The following ZNF883 variants were observed in gnomAD, a reference collection of about 807,000 sequenced individuals.
ZNF883 encodes zinc finger protein 883.
At chr9:113,002,382 T>G (rs917012942), upstream of ZNF883, among the ~76,000 whole-genome samples, 2 of 149,208 alleles carry the variant, frequency 1.3e-5, no homozygotes, top group African/African-American at 5.0e-5. Flanking sequence ...AAATGTAACA[T>G]GGTATCTTGA....
downstream of ZNF883, among the ~76,000 whole-genome samples, chr9:112,995,569 C>A (rs568230693): frequency 9.9e-5 from 15 of 151,604 alleles, no homozygotes; most frequent in Admixed American, 5.9e-4. Flanking sequence ...TCTCTTCCTT[C>A]TCTCTTTCTT....
At chr9:113,000,009 C>T (rs1294690227), upstream of ZNF883, among the ~76,000 whole-genome samples, 1 of 152,030 alleles carries the variant, frequency 6.6e-6, no homozygotes, top group Non-Finnish European at 1.5e-5. Context: ...CACATAAACT[C>T]AAGTATGATT....
intron 1 of ZNF883, among the ~76,000 whole-genome samples, chr9:112,991,394 TTGAG>T (rs1473142975): frequency 6.6e-6 from 1 of 152,192 alleles, no homozygotes; most frequent in Non-Finnish European, 1.5e-5. Context: ...TTGTGTGGTT[TTGAG>T]TGAGTTTCTT....
upstream of ZNF883, among the ~76,000 whole-genome samples, chr9:113,003,079 C>A (rs898471838): frequency 6.6e-6 from 1 of 152,164 alleles, no homozygotes; most frequent in Non-Finnish European, 1.5e-5. Flanking sequence ...CAAACTAAGA[C>A]ACCTTGTGAT....
downstream of ZNF883, among the ~76,000 whole-genome samples, chr9:112,994,702 T>C (rs1202369795): frequency 6.6e-6 from 1 of 152,092 alleles, no homozygotes; most frequent in Non-Finnish European, 1.5e-5. Context: ...ATTGTCAAAA[T>C]TGTAAATGTC....
chr9:112,998,811 G>A (rs149265398), upstream of ZNF883: 46 of 152,110 alleles, frequency 3.0e-4, no homozygotes, highest in African/African-American at 1.1e-3. Context: ...GAATAAGTGG[G>A]GACTACTGTA....
upstream of ZNF883, chr9:112,999,592 C>G (rs1202044008): frequency 6.6e-6 from 1 of 152,220 alleles, no homozygotes; most frequent in Non-Finnish European, 1.5e-5. Context: ...TTGAGGGTTC[C>G]TATAACCCCT....
chr9:113,000,582 C>T (rs139885244), upstream of ZNF883, among the ~76,000 whole-genome samples: 7 of 151,868 alleles, frequency 4.6e-5, no homozygotes, highest in African/African-American at 1.7e-4. Flanking sequence ...AAAGAAGAAA[C>T]AAAAAATGCT....
At chr9:112,997,921 T>A (rs1346109954) in exon 1 of ZNF883, 1 of 1,613,792 alleles carries the variant, frequency 6.2e-7, no homozygotes, top group Non-Finnish European at 8.5e-7. Flanking sequence ...TCTCATGATT[T>A]CTAAGGGATG....
chr9:113,002,549 G>T (rs1376706202), upstream of ZNF883, among the ~76,000 whole-genome samples: 1 of 152,200 alleles, frequency 6.6e-6, no homozygotes, highest in African/African-American at 2.4e-5. Flanking sequence ...CTATGGGGAT[G>T]TGGGAACTCT....
downstream of ZNF883, among the ~76,000 whole-genome samples, chr9:112,994,555 T>C (rs1172717871): frequency 1.3e-5 from 2 of 152,138 alleles, no homozygotes; most frequent in Non-Finnish European, 2.9e-5. Context: ...ATAAATTAAA[T>C]ACAAACTGGC....
intron 2 of ZNF883, among the ~76,000 whole-genome samples, chr9:113,009,571 G>A (rs1587898575): frequency 2.0e-5 from 3 of 151,704 alleles, no homozygotes; most frequent in Non-Finnish European, 2.9e-5. Flanking sequence ...ATGCAGTGGC[G>A]TGATCTCGGC....
At chr9:112,989,340 T>C (rs1828280944) in intron 1 of ZNF883, among the ~76,000 whole-genome samples, 1 of 152,162 alleles carries the variant, frequency 6.6e-6, no homozygotes, top group African/African-American at 2.4e-5. Flanking sequence ...TTTCTGCATA[T>C]GGCTAGCCAG....
chr9:112,991,431 G>A (rs1828301492), intron 1 of ZNF883, among the ~76,000 whole-genome samples: 1 of 152,136 alleles, frequency 6.6e-6, no homozygotes, highest in Non-Finnish European at 1.5e-5. Context: ...TAATTTGATT[G>A]TGCTGTGGTC....
At chr9:113,010,463 T>C (rs1052802660) in intron 2 of ZNF883, among the ~76,000 whole-genome samples, 1 of 152,218 alleles carries the variant, frequency 6.6e-6, no homozygotes, top group African/African-American at 2.4e-5. Context: ...TGTATATTAT[T>C]GCATGGTTGT....
chr9:112,994,586 A>T (rs1312572737), downstream of ZNF883, among the ~76,000 whole-genome samples: 3 of 151,654 alleles, frequency 2.0e-5, no homozygotes, highest in East Asian at 5.8e-4. Context: ...TATTTTTCCA[A>T]TTTTTCCCAA....
At chr9:112,992,343 C>G (rs932018341), downstream of ZNF883, among the ~76,000 whole-genome samples, 1 of 152,144 alleles carries the variant, frequency 6.6e-6, no homozygotes, top group Non-Finnish European at 1.5e-5. Flanking sequence ...GCTTACGAAG[C>G]TTAGTTTGGT....
chr9:112,997,073 A>C (rs375027602), downstream of ZNF883: 1,994 of 1,487,980 alleles, frequency 1.3e-3, 9 homozygotes, highest in Non-Finnish European at 1.2e-3. Flanking sequence ...GTGAGTGCTC[A>C]GGTGTAAACA....
rs539115137 is a variant in ZNF883, at chr9:113,010,624, A to G, written n.165+517T>C. ...TTCATTAGCTTGATTTAGCCATTCT[A>G]CTACGTATACATATTTCAAAACAAC... On this transcript the variant is annotated intron_variant and non_coding_transcript_variant, in intron 2 of 4. Transcript: ENST00000638622. Among the ~76,000 whole-genome samples the G allele has an allele frequency of 5.9e-5, 9 of 152,340 alleles. No individual in the cohort carries two copies. In the South Asian group the frequency reaches 1.9e-3, roughly 32 times the overall value.
Sources: gnomAD v4.1 joint callset for allele counts (sites outside exome capture counted in the v4.1 genomes callset) on GRCh38, gnomAD v4.1.1 for gene constraint, MANE v1.5 for transcripts, NCBI Gene and HGNC (gene_info 2026-07-23, HGNC 2026-07-21) for gene names.